Variants in DDX60L observed in about 807,000 individuals in gnomAD.
DDX60L encodes DExD/H-box 60 like.
DDX60L carries 191 observed loss-of-function variants against 211.6 expected under a neutral mutation model. The ratio of observed to expected loss-of-function variants is 0.90; its 90% confidence interval spans 0.80 to 1.02. DDX60L has a LOEUF of 1.02. Ranked by LOEUF, DDX60L falls within the 50% of genes least tolerant of loss-of-function variation. The probability of loss-of-function intolerance (pLI) is 0.00; values close to 1 mark genes in which losing one functional copy is unlikely to be tolerated. For synonymous variants in DDX60L, 706 were observed against 694.1 expected (o/e 1.02, Z -0.27); for missense variants, 2,007 against 1,984.1 (o/e 1.01, Z -0.22).
chr4:168,398,510 C>T (rs1408672272), intron 26 of DDX60L, among the ~76,000 whole-genome samples: 3 of 152,160 alleles, frequency 2.0e-5, no homozygotes, highest in African/African-American at 7.2e-5. Context: ...CAGACAGGCT[C>T]GGAGCAGAAA....
chr4:168,378,164 T>C (rs1742304722), intron 33 of DDX60L, among the ~76,000 whole-genome samples, 190 bp downstream of exon 33: 1 of 152,254 alleles, frequency 6.6e-6, no homozygotes, highest in Non-Finnish European at 1.5e-5. Flanking sequence ...GGATAAGAAT[T>C]GTTTGTTAGA....
chr4:168,364,805 A>C (rs1436324057), intron 36 of DDX60L, among the ~76,000 whole-genome samples: 2 of 152,220 alleles, frequency 1.3e-5, no homozygotes, highest in African/African-American at 4.8e-5. Context: ...AAATTTAAGA[A>C]TATAGAGATC....
intron 1 of DDX60L, among the ~76,000 whole-genome samples, chr4:168,479,433 C>T (rs1313566762): frequency 6.6e-6 from 1 of 152,140 alleles, no homozygotes; most frequent in African/African-American, 2.4e-5. Flanking sequence ...ATGGTTTGGA[C>T]TTCTTATTGT....
intron 13 of DDX60L, among the ~76,000 whole-genome samples, chr4:168,428,308 C>T (rs1751792647): frequency 1.3e-5 from 2 of 152,046 alleles, no homozygotes; most frequent in Non-Finnish European, 2.9e-5. Context: ...AACAGCAGTG[C>T]TAAGAAACCT....
chr4:168,368,091 G>A (rs1439154379), intron 36 of DDX60L, among the ~76,000 whole-genome samples: 1 of 152,224 alleles, frequency 6.6e-6, no homozygotes, highest in Non-Finnish European at 1.5e-5. Context: ...AAGTAACAAG[G>A]AGCCTAACGT....
chr4:168,449,882 C>T (rs1438281033), intron 8 of DDX60L, among the ~76,000 whole-genome samples: 1 of 150,534 alleles, frequency 6.6e-6, no homozygotes, highest in Non-Finnish European at 1.5e-5. Flanking sequence ...ATGACTGAAA[C>T]GGTGAAAGAG....
chr4:168,479,163 G>A (rs1760037024), intron 1 of DDX60L, among the ~76,000 whole-genome samples: 1 of 79,750 alleles, frequency 1.3e-5, no homozygotes. Flanking sequence ...TGGATGGATG[G>A]ATAGAGAGAT....
At chr4:168,381,596 A>T (rs1320994278) in intron 30 of DDX60L, among the ~76,000 whole-genome samples, 1 of 151,944 alleles carries the variant, frequency 6.6e-6, no homozygotes, top group Non-Finnish European at 1.5e-5. Flanking sequence ...TAAAAAAAAA[A>T]ACTATAACTA....
At chr4:168,424,315 A>C (rs938563693) in intron 14 of DDX60L, among the ~76,000 whole-genome samples, 1 of 151,552 alleles carries the variant, frequency 6.6e-6, no homozygotes, top group African/African-American at 2.4e-5. Context: ...TTCTATCCAG[A>C]CTCTCCTAAG....
chr4:168,431,463 A>G (rs948125344), intron 12 of DDX60L, among the ~76,000 whole-genome samples: 1 of 148,718 alleles, frequency 6.7e-6, no homozygotes, highest in African/African-American at 2.5e-5. Flanking sequence ...TACTTGACTT[A>G]TTTCTAGATC....
At chr4:168,464,441 G>GTTTTT (rs1554021674) in intron 4 of DDX60L, among the ~76,000 whole-genome samples, 3 of 53,880 alleles carry the variant, frequency 5.6e-5, no homozygotes, top group Non-Finnish European at 7.1e-5. Context: ...CTTTATAATT[G>GTTTTT]TATTTTTTTT....
rs1191653291 is a variant in DDX60L, at chr4:168,396,117, T to C, written c.3499A>G (p.Lys1167Glu). The change falls in exon 27 of 38, where the codon AAA becomes GAA. Residue 1167 changes from lysine to glutamate, a missense_variant. Lys to Glu is a moderately conservative substitution (Grantham distance 56). Coordinates refer to ENST00000682922, the MANE Select transcript of DDX60L (RefSeq NM_001012967.3). ...VRKTQKRITK[K>E]NPKKAEKLER... is the part of the protein sequence containing the mutation. ...AGTTTTTCAGCCTTCTTTGGGTTTT[T>C]TTTAGTGCTACTATTTAAAAAAAAA... 3 of 1,487,920 alleles carry C rather than the reference T, an allele frequency of 2.0e-6. 1 individual carries two copies. In the East Asian group the frequency reaches 7.1e-5, roughly 35 times the overall value. The allele number at this position is 1,487,920 out of a possible 1,614,324, so 92.2% of individuals were successfully genotyped here. A position where few individuals can be genotyped will look rare whatever the true frequency, so the allele number is the denominator to read the frequency against.
In DDX60L at chr4:168,396,363, T is replaced by C. The variant is rs549012970; in HGVS notation, c.3492-239A>G. 5.9e-5 allele frequency among the ~76,000 whole-genome samples: 9 copies of C among 152,152 alleles called. No individual in the cohort carries two copies. The South Asian group carries it at 1.9e-3, about 32-fold the overall frequency. On this transcript the variant is annotated intron_variant, in intron 26 of 37. Coordinates refer to ENST00000682922, the MANE Select transcript of DDX60L (RefSeq NM_001012967.3). ...TTTTCTCTGCATAATTTCTCCTCCTTCACACTGTAACAGATATCCAGTTCT... is the reference window on the plus strand; with the variant it reads ...TTTTCTCTGCATAATTTCTCCTCCTCCACACTGTAACAGATATCCAGTTCT...
At chr4:168,449,268 T>C (rs1007278544) in intron 8 of DDX60L, among the ~76,000 whole-genome samples, 1 of 151,768 alleles carries the variant, frequency 6.6e-6, no homozygotes, top group African/African-American at 2.4e-5. Context: ...ATATACACCA[T>C]GGAATACTAT....
intron 34 of DDX60L, among the ~76,000 whole-genome samples, chr4:168,374,707 T>G (rs536966883): frequency 5.9e-5 from 9 of 152,334 alleles, no homozygotes; most frequent in African/African-American, 2.2e-4. Flanking sequence ...TCAACTTAAT[T>G]TAAATAGTGA....
chr4:168,416,566 G>T, intron 20 of DDX60L, 116 bp downstream of exon 20: 1 of 568,032 alleles, frequency 1.8e-6, no homozygotes, highest in Non-Finnish European at 2.8e-6. Context: ...CAAAGATTGG[G>T]TAATAAATTT....
At chr4:168,458,452 T>C (rs976604670) in intron 5 of DDX60L, among the ~76,000 whole-genome samples, 4 of 152,134 alleles carry the variant, frequency 2.6e-5, no homozygotes, top group African/African-American at 9.7e-5. Flanking sequence ...GTACATATAT[T>C]CCATGGAATA....
chr4:168,374,332 A>G (rs778684132), intron 34 of DDX60L, among the ~76,000 whole-genome samples: 1 of 152,150 alleles, frequency 6.6e-6, no homozygotes, highest in Non-Finnish European at 1.5e-5. Context: ...AGTAGCTACA[A>G]TGCTTACCTC....
At position 168,449,653 on chromosome 4, in the gene DDX60L, AAAAAAAAAAAAAG is replaced by A. The variant is rs1755454714; in HGVS notation, c.997-887_997-875del. 9.9e-5 allele frequency among the ~76,000 whole-genome samples: 2 copies of A among 20,182 alleles called. 1 individual carries two copies. The highest frequency in any genetic ancestry group is 5.4e-4 in the African/African-American group (2 of 3,708). 13.2% of individuals were successfully genotyped at this position (20,182 alleles called of 152,430 possible). A position where few individuals can be genotyped will look rare whatever the true frequency, so the allele number is the denominator to read the frequency against. On this transcript the variant is annotated intron_variant, in intron 8 of 37. Coordinates refer to ENST00000682922, the MANE Select transcript of DDX60L (RefSeq NM_001012967.3). ...ACATTAAAACAAAAAAAAAAAATGCAAAAAAAAAAAAAGAAAAAAGAAAAAAATTACTAAATGA... is the reference window on the plus strand; with the variant it reads ...ACATTAAAACAAAAAAAAAAAATGCAAAAAAAGAAAAAAATTACTAAATGA...
Sources: gnomAD v4.1 joint callset for allele counts (sites outside exome capture counted in the v4.1 genomes callset) on GRCh38, gnomAD v4.1.1 for gene constraint, MANE v1.5 for transcripts, NCBI Gene and HGNC (gene_info 2026-07-23, HGNC 2026-07-21) for gene names.